CRB1: variants seen among roughly 807,000 people sequenced by gnomAD.
CRB1 encodes the protein crumbs cell polarity complex component 1.
A neutral mutation model predicts 120.0 loss-of-function variants in CRB1; 83 were observed. The ratio of observed to expected loss-of-function variants is 0.69; its 90% CI spans 0.58 to 0.83. CRB1 has a LOEUF of 0.83. Among genes scored for constraint, CRB1 ranks in the 40% least tolerant of loss-of-function variants. The pLI is 0.00. For synonymous variants in CRB1, 625 were observed against 612.5 expected (o/e 1.02, Z -0.30); for missense variants, 1,699 against 1,687.6 (o/e 1.01, Z -0.12).
the CRB1 span, among the ~76,000 whole-genome samples, chr1:197,205,286 TGAATA>T: frequency 1.3e-5 from 2 of 152,210 alleles, no homozygotes; most frequent in African/African-American, 4.8e-5. Flanking sequence ...AGTACTGTGT[TGAATA>T]GAAGTGGTGA....
chr1:197,328,867 C>T lies in CRB1; in HGVS notation c.516C>T (p.Cys172=). 1 of 1,614,190 alleles carries T rather than the reference C, an allele frequency of 6.2e-7. No homozygotes were observed. The highest frequency in any genetic ancestry group is 8.5e-7 in the Non-Finnish European group (1 of 1,180,026). ...VCQDGIDGYS[C]FCVPGYQGRH... ...AGGATGGAATTGATGGTTACTCCTGCTTCTGTGTCCCAGGATATCAAGGCA... is the reference window on the plus strand; with the variant it reads ...AGGATGGAATTGATGGTTACTCCTGTTTCTGTGTCCCAGGATATCAAGGCA... Residue 172 remains cysteine, a synonymous_variant, in exon 2 of 12, where the codon TGC becomes TGT. Transcript: ENST00000367400.
intron 1 of CRB1, among the ~76,000 whole-genome samples, chr1:197,325,676 G>A (rs186843121): frequency 6.6e-6 from 1 of 151,734 alleles, no homozygotes; most frequent in Non-Finnish European, 1.5e-5. Flanking sequence ...CCCTAGCAGC[G>A]ACTTCCCCAA....
In CRB1 at chr1:197,328,874, G is replaced by A. The variant is rs1166808508; in HGVS notation, c.523G>A (p.Val175Ile). 2 of 1,614,168 alleles carry A rather than the reference G, an allele frequency of 1.2e-6. No individual in the cohort carries two copies. The highest frequency in any genetic ancestry group is 1.7e-6 in the Non-Finnish European group (2 of 1,180,034). ...AATTGATGGTTACTCCTGCTTCTGTGTCCCAGGATATCAAGGCAGACACTG... is the reference window on the plus strand; with the variant it reads ...AATTGATGGTTACTCCTGCTTCTGTATCCCAGGATATCAAGGCAGACACTG... ...DGIDGYSCFC[V>I]PGYQGRHCDL... The change falls in exon 2 of 12, where the codon GTC becomes ATC. Residue 175 changes from valine to isoleucine, a missense_variant. Physicochemically the swap from Val to Ile is conservative, Grantham distance 29. Transcript: ENST00000367400.
intron 11 of CRB1, among the ~76,000 whole-genome samples, chr1:197,455,916 A>C (rs1666262508): frequency 6.6e-6 from 1 of 152,098 alleles, no homozygotes; most frequent in Non-Finnish European, 1.5e-5. Context: ...ATAGACAGAA[A>C]GGAAGCCACA....
chr1:197,305,187 A>G lies in CRB1; in HGVS notation c.71-23235A>G, dbSNP rs577206516. Among the ~76,000 whole-genome samples the G allele has an allele frequency of 1.7e-4, 26 of 152,288 alleles. No homozygotes were observed. In the South Asian group the frequency reaches 3.7e-3, roughly 22 times the overall value. On this transcript the variant is annotated intron_variant, in intron 1 of 11. Coordinates refer to ENST00000367400, the MANE Select transcript of CRB1 (RefSeq NM_201253.3). Reference sequence around the variant, plus strand: ...TACTGGGGAACTTGGTGTGTTTTCTAAAACATAGTCTCCAATATTTATGGT... The same window carrying G: ...TACTGGGGAACTTGGTGTGTTTTCTGAAACATAGTCTCCAATATTTATGGT...
chr1:197,476,493 C>T (rs1667204397), intron 11 of CRB1, among the ~76,000 whole-genome samples: 1 of 151,902 alleles, frequency 6.6e-6, no homozygotes, highest in African/African-American at 2.4e-5. Flanking sequence ...AGTAAATGCT[C>T]ATAGTAAATG....
At chr1:197,451,500 C>G (rs2125530630) in intron 11 of CRB1, among the ~76,000 whole-genome samples, 1 of 152,240 alleles carries the variant, frequency 6.6e-6, no homozygotes, top group African/African-American at 2.4e-5. Flanking sequence ...TGAGACATTT[C>G]CCTAAGAATG....
At chr1:197,303,738 CAT>C (rs901694741) in intron 1 of CRB1, among the ~76,000 whole-genome samples, 6 of 152,270 alleles carry the variant, frequency 3.9e-5, no homozygotes, top group Admixed American at 3.3e-4. Flanking sequence ...TTAGATTTCA[CAT>C]GTCTAGTTTG....
chr1:197,311,148 C>A (rs1207216629), intron 1 of CRB1, among the ~76,000 whole-genome samples: 3 of 152,216 alleles, frequency 2.0e-5, no homozygotes, highest in African/African-American at 7.2e-5. Flanking sequence ...CTTAAATGTT[C>A]CTTGCTGGAT....
intron 8 of CRB1, among the ~76,000 whole-genome samples, chr1:197,431,229 G>A (rs1571548130): frequency 6.6e-6 from 1 of 152,026 alleles, no homozygotes; most frequent in Non-Finnish European, 1.5e-5. Flanking sequence ...TTATGTTTCT[G>A]TACTTCAAAA....
intron 11 of CRB1, among the ~76,000 whole-genome samples, chr1:197,475,792 T>A (rs537969286): frequency 6.6e-6 from 1 of 152,278 alleles, no homozygotes; most frequent in South Asian, 2.1e-4. Flanking sequence ...ATATAGTATT[T>A]TCTCTCACCA....
the CRB1 span, among the ~76,000 whole-genome samples, chr1:197,262,968 T>C: frequency 5.8e-3 from 882 of 152,320 alleles, 11 homozygotes; most frequent in African/African-American, 0.02. Flanking sequence ...TTTGCTATTA[T>C]GAATAGCGCT....
chr1:197,465,218 A>C (rs758274565), intron 11 of CRB1, among the ~76,000 whole-genome samples: 44 of 152,170 alleles, frequency 2.9e-4, no homozygotes, highest in Non-Finnish European at 5.6e-4. Context: ...TTAGTTCAGC[A>C]GTATTTTTAA....
intron 5 of CRB1, among the ~76,000 whole-genome samples, chr1:197,378,811 T>G (rs1270439486): frequency 2.6e-5 from 4 of 152,242 alleles, no homozygotes; most frequent in Non-Finnish European, 5.9e-5. Context: ...AACATTTTAT[T>G]GAAGTATCAC....
intron 1 of CRB1, among the ~76,000 whole-genome samples, chr1:197,269,534 A>G (rs1654791121): frequency 2.0e-5 from 3 of 152,150 alleles, no homozygotes; most frequent in Admixed American, 2.0e-4. Flanking sequence ...TTTCATATAT[A>G]TTTACTAAAG....
rs538622651 is a variant in CRB1 at position 197,317,081 on chromosome 1, T to C, written c.71-11341T>C. On this transcript the variant is annotated intron_variant, in intron 1 of 11. Transcript: ENST00000367400. ...TAATATTGTTAAAATGTCCGTACAATGTACACCTCTGCACCTGCAGATTCA... is the reference window on the plus strand; with the variant it reads ...TAATATTGTTAAAATGTCCGTACAACGTACACCTCTGCACCTGCAGATTCA... 7.9e-5 allele frequency among the ~76,000 whole-genome samples: 12 copies of C among 152,298 alleles called. No individual in the cohort carries two copies. In the East Asian group the frequency reaches 1.5e-3, roughly 20 times the overall value.
chr1:197,293,293 G>C (rs1414512048), intron 1 of CRB1, among the ~76,000 whole-genome samples: 3 of 152,076 alleles, frequency 2.0e-5, no homozygotes, highest in African/African-American at 7.2e-5. Flanking sequence ...GCCAAATCAT[G>C]AGTGAACTCC....
chr1:197,252,582 A>ATGTG, the CRB1 span, among the ~76,000 whole-genome samples: 484 of 15,410 alleles, frequency 0.031, 26 homozygotes, highest in East Asian at 0.094. Flanking sequence ...ATATATATAT[A>ATGTG]TGTGTGTGTG....
chr1:197,375,476 T>C (rs1303838693), intron 5 of CRB1, among the ~76,000 whole-genome samples: 1 of 152,124 alleles, frequency 6.6e-6, no homozygotes, highest in Non-Finnish European at 1.5e-5. Context: ...CAAAAACCAA[T>C]CCTGAGAGAT....
Sources: allele counts gnomAD v4.1 joint callset (sites outside exome capture counted in the v4.1 genomes callset), GRCh38; gene constraint gnomAD v4.1.1; transcripts MANE v1.5; gene names NCBI Gene and HGNC (gene_info 2026-07-23, HGNC 2026-07-21).